RIF1: variants seen among roughly 807,000 people sequenced by gnomAD.
The protein encoded by RIF1 is replication timing regulatory factor 1, also known as telomere-associated protein RIF1.
A neutral mutation model predicts 247.1 loss-of-function variants in RIF1; 45 were observed. The observed-to-expected ratio is 0.18, with a 90% CI of 0.14 to 0.23. The LOEUF is 0.23. Among genes scored for constraint, RIF1 ranks in the 10% least tolerant of loss-of-function variants. The pLI is 1.00. For synonymous variants in RIF1, 1,087 were observed against 978.8 expected (o/e 1.11, Z -2.06); for missense variants, 2,967 against 2,862.5 (o/e 1.04, Z -0.83).
chr2:151,490,410 G>A lies in RIF1; in HGVS notation c.*416-4819G>A, dbSNP rs949111967. On this transcript the variant is annotated intron_variant and NMD_transcript_variant, in intron 9 of 13. Transcript: ENST00000454583. ...AAAGACACCCCCGTCGCTGTAAGTC[G>A]AAAGGTGGTGGTCTGGTGCTTCTGA... 6.9e-6 allele frequency: 11 copies of A among 1,597,162 alleles called. No homozygotes were observed. Among genetic ancestry groups the A allele is most frequent in the Middle Eastern group, 1.7e-4 (1 of 6,048 alleles).
intron 6 of RIF1, 119 bp from the exon 7 acceptor site, chr2:151,420,071 T>C: frequency 1.3e-6 from 1 of 785,738 alleles, no homozygotes; most frequent in Non-Finnish European, 2.0e-6. Flanking sequence ...TATGCATATT[T>C]GTATATATTC....
At chr2:151,435,365 T>C in intron 10 of RIF1, 98 bp from the exon 11 acceptor site, 2 of 760,672 alleles carry the variant, frequency 2.6e-6, no homozygotes, top group South Asian at 3.4e-5. Flanking sequence ...AAATGGAATA[T>C]ATTAAGGCTC....
At chr2:151,519,444 A>G in the RIF1 span, among the ~76,000 whole-genome samples, 56 of 152,332 alleles carry the variant, frequency 3.7e-4, 1 homozygote, top group Non-Finnish European at 7.1e-4. Flanking sequence ...AGAGACAAAA[A>G]GTAGATAAGA....
chr2:151,410,122 C>A lies in RIF1; in HGVS notation c.-11+89C>A. The A allele has an allele frequency of 5.8e-6, 4 of 684,828 alleles. No homozygotes were observed. The Admixed American group carries it at 6.1e-5, about 10-fold the overall frequency. 42.4% of individuals were successfully genotyped at this position (684,828 alleles called of 1,614,324 possible). On this transcript the variant is annotated intron_variant, in intron 1 of 35. Transcript: ENST00000444746. Reference sequence around the variant, plus strand: ...CCCCCTCGCGGCGAGATGCCTCGTTCCCCGGGCTTCTCCCGCCCTCCGCCG... The same window carrying A: ...CCCCCTCGCGGCGAGATGCCTCGTTACCCGGGCTTCTCCCGCCCTCCGCCG...
the RIF1 span, chr2:151,534,306 G>A: frequency 6.2e-7 from 1 of 1,613,172 alleles, no homozygotes; most frequent in Non-Finnish European, 8.5e-7. Flanking sequence ...CTCATAATCA[G>A]CTCTGTATTT....
At chr2:151,483,686 C>T (rs2049284304), downstream of RIF1, among the ~76,000 whole-genome samples, 1 of 152,128 alleles carries the variant, frequency 6.6e-6, no homozygotes, top group Admixed American at 6.5e-5. Flanking sequence ...ATCAGGGTTC[C>T]CCAACCCACG....
intron 9 of RIF1, chr2:151,493,530 G>A (rs1301475375): frequency 6.8e-6 from 6 of 878,088 alleles, no homozygotes; most frequent in Non-Finnish European, 1.0e-5. Context: ...TATGGCTCAT[G>A]TTATGGCTCA....
chr2:151,514,447 GCAA>G, the RIF1 span: 1 of 1,536,234 alleles, frequency 6.5e-7, no homozygotes, highest in Admixed American at 1.7e-5. Flanking sequence ...TGAAAGAAAA[GCAA>G]CAACATTGAC....
At chr2:151,529,233 C>A in the RIF1 span, 1 of 1,612,846 alleles carries the variant, frequency 6.2e-7, no homozygotes, top group Non-Finnish European at 8.5e-7. Flanking sequence ...TTGTAGGCGT[C>A]CTTGGCTGCT....
At chr2:151,486,055 G>A, downstream of RIF1, 1 of 1,007,666 alleles carries the variant, frequency 9.9e-7, no homozygotes, top group Non-Finnish European at 1.5e-6. Context: ...AAGAGAATGT[G>A]CAAGCATCAA....
chr2:151,447,093 G>A (rs941453586), intron 20 of RIF1, among the ~76,000 whole-genome samples: 16 of 151,620 alleles, frequency 1.1e-4, no homozygotes, highest in African/African-American at 3.2e-4. Context: ...ACAGGCGCCC[G>A]CCACCACGCC....
In RIF1 at chr2:151,436,840, G is replaced by T; in HGVS notation, c.1209G>T (p.Pro403=). ...TTTTTCTTAAAGGTGCTTCCTCCCC[G>T]TACGGAGCCCCGGGAACTCCCCGAA... is the stretch of plus-strand genomic sequence containing the variant. ...MTPVHKGASS[P]YGAPGTPRMN... Residue 403 remains proline, a synonymous_variant, in exon 12 of 36, where the codon CCG becomes CCT. Transcript: ENST00000444746. The T allele has an allele frequency of 1.3e-6, 2 of 1,591,914 alleles. No homozygotes were observed. Among genetic ancestry groups the T allele is most frequent in the Non-Finnish European group, 1.7e-6 (2 of 1,170,624 alleles).
intron 15 of RIF1, 92 bp downstream of exon 15, chr2:151,440,219 G>T: frequency 1.4e-6 from 1 of 736,290 alleles, no homozygotes. Context: ...AGTTTGGGAA[G>T]ACTTTTTTAT....
chr2:151,514,203 G>GA, the RIF1 span: 5 of 715,776 alleles, frequency 7.0e-6, no homozygotes, highest in Non-Finnish European at 1.2e-5. Context: ...ATCTGAAAAT[G>GA]AAAAGCTCTG....
At chr2:151,521,312 A>G in the RIF1 span, among the ~76,000 whole-genome samples, 38 of 152,376 alleles carry the variant, frequency 2.5e-4, no homozygotes, top group African/African-American at 8.7e-4. Context: ...AGAACAGTTC[A>G]GCATGATGCA....
At chr2:151,468,189 CAG>C (rs1307241968) in intron 31 of RIF1, 43 bp downstream of exon 31, 2 of 1,494,384 alleles carry the variant, frequency 1.3e-6, no homozygotes, top group African/African-American at 1.4e-5. Flanking sequence ...TATACCGACA[CAG>C]AATTACATGT....
chr2:151,503,494 A>G, intron 12 of RIF1: 1 of 1,241,524 alleles, frequency 8.1e-7, no homozygotes, highest in South Asian at 1.2e-5. Flanking sequence ...TAAATCCTTT[A>G]GATAGCAGCC....
chr2:151,425,780 C>A (rs998791784), intron 8 of RIF1, among the ~76,000 whole-genome samples: 2 of 149,154 alleles, frequency 1.3e-5, no homozygotes, highest in African/African-American at 5.0e-5. Flanking sequence ...AATTCTCCTG[C>A]CTCAGTCTCC....
At position 151,479,624 on chromosome 2, in the gene RIF1, A is replaced by G. The variant is rs1260785899; in HGVS notation, c.*4553A>G. 6.6e-6 allele frequency: 1 copy of G among 152,156 alleles called. No homozygotes were observed. Among genetic ancestry groups the G allele is most frequent in the Non-Finnish European group, 1.5e-5 (1 of 68,032 alleles). The allele number at this position is 152,156 out of a possible 1,614,324, so 9.4% of individuals were successfully genotyped here. On this transcript the variant is annotated 3_prime_UTR_variant, in exon 36 of 36. Transcript: ENST00000444746. ...TATACTGCGGACCTCTGGTCACTTA[A>G]TTTTCTGTTATATTATGTGGTTGAA...
Sources: allele counts gnomAD v4.1 joint callset (sites outside exome capture counted in the v4.1 genomes callset), GRCh38; gene constraint gnomAD v4.1.1; transcripts MANE v1.5; gene names NCBI Gene and HGNC (gene_info 2026-07-23, HGNC 2026-07-21).